The following TECR variants were observed in gnomAD, a reference collection of about 807,000 sequenced individuals.
The protein encoded by TECR is very-long-chain enoyl-CoA reductase.
Under a neutral mutation model 50.6 loss-of-function variants are expected in TECR, and 19 were observed. The observed-to-expected ratio is 0.38, with a 90% CI of 0.26 to 0.55. TECR has a LOEUF of 0.55. TECR is among the 20% of genes least tolerant of loss of function. The pLI is 0.79. For missense variants in TECR, 313 were observed against 408.3 expected (o/e 0.77, Z 2.01); for synonymous variants, 168 against 163.5 (o/e 1.03, Z -0.21).
chr19:14,545,398 T>C (rs2073268971), intron 1 of TECR, among the ~76,000 whole-genome samples: 1 of 136,310 alleles, frequency 7.3e-6, no homozygotes, highest in Non-Finnish European at 1.7e-5. Flanking sequence ...ACTGTGGCCC[T>C]CTGGGCCCTC....
intron 1 of TECR, chr19:14,545,207 T>C (rs1568408288): frequency 8.8e-6 from 4 of 456,744 alleles, no homozygotes; most frequent in South Asian, 6.2e-5. Context: ...TTGTCTTGGC[T>C]CTGCTCCAGC....
At chr19:14,551,294 C>G (rs113496412) in intron 1 of TECR, among the ~76,000 whole-genome samples, 20 of 151,868 alleles carry the variant, frequency 1.3e-4, no homozygotes, top group African/African-American at 4.6e-4. Context: ...AGGCTACTCT[C>G]GAACTCCTGA....
At chr19:14,564,547 C>G (rs1392359652) in intron 7 of TECR, 2 of 574,724 alleles carry the variant, frequency 3.5e-6, no homozygotes, top group East Asian at 2.8e-5. Context: ...CCTATCCCCC[C>G]AGCCCCGCCC....
intron 1 of TECR, among the ~76,000 whole-genome samples, chr19:14,547,811 C>T (rs1023874948): frequency 6.6e-6 from 1 of 151,768 alleles, no homozygotes; most frequent in Non-Finnish European, 1.5e-5. Flanking sequence ...AGGTGCATAC[C>T]ACCTACAGCC....
At chr19:14,552,997 C>T (rs572794650) in intron 1 of TECR, among the ~76,000 whole-genome samples, 92 of 152,128 alleles carry the variant, frequency 6.0e-4, no homozygotes, top group African/African-American at 2.1e-3. Context: ...AGGGCACAAC[C>T]GCAGGGATGG....
chr19:14,565,373 T>C (rs1158227681), intron 11 of TECR, 83 bp downstream of exon 11: 22 of 1,547,894 alleles, frequency 1.4e-5, no homozygotes, highest in Non-Finnish European at 1.8e-5. Flanking sequence ...GGCGCCTGGC[T>C]GGGCAGCTGC....
chr19:14,549,778 A>G (rs2073430377), intron 1 of TECR, among the ~76,000 whole-genome samples: 1 of 151,910 alleles, frequency 6.6e-6, no homozygotes, highest in South Asian at 2.1e-4. Context: ...CCCCATCTCT[A>G]CTAAAAATAC....
chr19:14,565,137 G>A lies in TECR; in HGVS notation c.664+14G>A, dbSNP rs1198478875. 6 of 1,613,588 alleles carry A rather than the reference G, an allele frequency of 3.7e-6. No individual in the cohort carries two copies. Among genetic ancestry groups the A allele is most frequent in the Non-Finnish European group, 4.2e-6 (5 of 1,180,014 alleles). ...TGCGGCCCGCTGGTGAGTGCCTGCT[G>A]GGGGCAGGGGGACAGCTGGGCTGGG... On this transcript the variant is annotated intron_variant, in intron 10 of 12. Transcript: ENST00000215567.
At chr19:14,544,937 G>A (rs2073249191) in intron 1 of TECR, among the ~76,000 whole-genome samples, 1 of 152,070 alleles carries the variant, frequency 6.6e-6, no homozygotes, top group Non-Finnish European at 1.5e-5. Context: ...CCAGCACGTG[G>A]CTTGTTTTGA....
intron 1 of TECR, chr19:14,530,255 A>G (rs1177156452): frequency 5.9e-6 from 1 of 169,426 alleles, no homozygotes; most frequent in Non-Finnish European, 1.3e-5. Context: ...CTGGTTATCA[A>G]AGAGGTCATC....
rs534651289 is a variant in TECR at position 14,549,390 on chromosome 19, T to G, written c.16-13135T>G. Among the ~76,000 whole-genome samples the G allele has an allele frequency of 1.8e-3, 271 of 152,000 alleles. 1 individual carries two copies. The highest frequency in any genetic ancestry group is 3.2e-3 in the Non-Finnish European group (217 of 67,966). Reference sequence around the variant, plus strand: ...ACCATGCCCAGCTAACTTTTGTATTTGTCATAGAGATGGGGTTTCACCATA... The same window carrying G: ...ACCATGCCCAGCTAACTTTTGTATTGGTCATAGAGATGGGGTTTCACCATA... On this transcript the variant is annotated intron_variant, in intron 1 of 12. Coordinates refer to ENST00000215567, the MANE Select transcript of TECR (RefSeq NM_138501.6).
chr19:14,546,366 C>T (rs2073307512), intron 1 of TECR, among the ~76,000 whole-genome samples: 1 of 151,934 alleles, frequency 6.6e-6, no homozygotes, highest in South Asian at 2.1e-4. Context: ...GTGGGCGGAT[C>T]ACTTGAGGTC....
At chr19:14,558,573 C>T (rs949318426) in intron 1 of TECR, among the ~76,000 whole-genome samples, 6 of 152,168 alleles carry the variant, frequency 3.9e-5, no homozygotes, top group Admixed American at 3.3e-4. Flanking sequence ...AGCCACAGGC[C>T]GGCAGAGCCA....
At chr19:14,538,190 G>T (rs1050977022) in intron 1 of TECR, among the ~76,000 whole-genome samples, 25 of 152,228 alleles carry the variant, frequency 1.6e-4, no homozygotes, top group African/African-American at 6.0e-4. Flanking sequence ...TAGCAGAGCT[G>T]GGATTCTTCT....
intron 1 of TECR, chr19:14,531,746 TC>T (rs2072675982): frequency 1.3e-5 from 2 of 152,124 alleles, no homozygotes; most frequent in Admixed American, 1.3e-4. Context: ...AACCCACAAA[TC>T]CTGTAATTTT....
intron 1 of TECR, among the ~76,000 whole-genome samples, chr19:14,549,331 G>C (rs1236476403): frequency 6.7e-6 from 1 of 149,588 alleles, no homozygotes; most frequent in East Asian, 2.0e-4. Flanking sequence ...TCCTGCCTCA[G>C]CCTCCCAAGG....
chr19:14,550,458 A>C (rs895355272), intron 1 of TECR, among the ~76,000 whole-genome samples: 4 of 152,068 alleles, frequency 2.6e-5, no homozygotes, highest in Admixed American at 1.3e-4. Context: ...TTGTATCTGC[A>C]GGGCTCAGCC....
Position 14,563,390 on chromosome 19 carries a change from C to A in TECR, c.118+133C>A. 3.1e-6 allele frequency: 3 copies of A among 973,068 alleles called. No homozygotes were observed. Among genetic ancestry groups the A allele is most frequent in the Non-Finnish European group, 4.8e-6 (3 of 623,144 alleles). The allele number at this position is 973,068 out of a possible 1,614,324, so 60.3% of individuals were successfully genotyped here. A position where few individuals can be genotyped will look rare whatever the true frequency, so the allele number is the denominator to read the frequency against. ...CCCAGTGTGGCCCAGGCTTCTGGGG[C>A]GTGACTGGGGCAGGCGCCTCCACGT... On this transcript the variant is annotated intron_variant, in intron 3 of 12. Transcript: ENST00000215567. The surrounding 1 kb of genome is among the most constrained non-coding windows in gnomAD (Gnocchi z 5.3).
chr19:14,549,612 C>G (rs542415510), intron 1 of TECR, among the ~76,000 whole-genome samples: 1 of 151,954 alleles, frequency 6.6e-6, no homozygotes, highest in Non-Finnish European at 1.5e-5. Flanking sequence ...CAGGCATGAG[C>G]CAGCGTACCT....
Sources: allele counts gnomAD v4.1 joint callset (sites outside exome capture counted in the v4.1 genomes callset), GRCh38; gene constraint gnomAD v4.1.1; non-coding constraint Gnocchi (gnomAD v3.1); transcripts MANE v1.5; gene names NCBI Gene and HGNC (gene_info 2026-07-23, HGNC 2026-07-21).